The following KANK1 variants were observed in gnomAD, a reference collection of about 807,000 sequenced individuals.
KANK1 encodes KN motif and ankyrin repeat domains 1, also known as KN motif and ankyrin repeat domain-containing protein 1.
Under a neutral mutation model 106.2 loss-of-function variants are expected in KANK1, and 109 were observed. The ratio of observed to expected loss-of-function variants is 1.03; its 90% CI spans 0.88 to 1.20. KANK1 has a LOEUF of 1.20. Among genes scored for constraint, KANK1 ranks in the 50% most tolerant of loss-of-function variants. KANK1 has a pLI of 0.00. For synonymous variants in KANK1, 873 were observed against 652.2 expected (o/e 1.34, Z -5.16); for missense variants, 2,399 against 1,710.7 (o/e 1.40, Z -7.10).
intron 1 of KANK1, among the ~76,000 whole-genome samples, chr9:636,772 C>T (rs1837236617): frequency 6.6e-6 from 1 of 152,174 alleles, no homozygotes; most frequent in Non-Finnish European, 1.5e-5. Flanking sequence ...GAGGCTGAGG[C>T]AGGAGAATCG....
intron 1 of KANK1, among the ~76,000 whole-genome samples, chr9:670,968 T>G (rs1208202116): frequency 8.2e-5 from 12 of 146,930 alleles, no homozygotes; most frequent in East Asian, 2.1e-4. Flanking sequence ...TTTTTTTTTT[T>G]TTTTTTTTTT....
intron 1 of KANK1, among the ~76,000 whole-genome samples, chr9:524,978 C>T (rs536022974): frequency 6.3e-4 from 80 of 126,704 alleles, no homozygotes; most frequent in African/African-American, 2.3e-3. Flanking sequence ...CAAACTCTTG[C>T]TGCCTTTTTT....
intron 1 of KANK1, among the ~76,000 whole-genome samples, chr9:541,934 A>C (rs948999598): frequency 6.6e-6 from 1 of 151,580 alleles, no homozygotes; most frequent in Non-Finnish European, 1.5e-5. Context: ...CTAAAAATAC[A>C]AAAAATTAGC....
chr9:628,449 A>T (rs1010435151), intron 1 of KANK1, among the ~76,000 whole-genome samples: 3 of 152,232 alleles, frequency 2.0e-5, no homozygotes, highest in African/African-American at 7.2e-5. Flanking sequence ...TACGTATTTT[A>T]ATAGTTAACA....
At chr9:675,721 A>G (rs1816280718) in intron 1 of KANK1, among the ~76,000 whole-genome samples, 1 of 152,188 alleles carries the variant, frequency 6.6e-6, no homozygotes, top group Middle Eastern at 3.2e-3. Context: ...TCTCACAAGA[A>G]GGAATTAGAG....
At chr9:597,813 A>G (rs1024254194) in intron 1 of KANK1, among the ~76,000 whole-genome samples, 7 of 151,250 alleles carry the variant, frequency 4.6e-5, no homozygotes, top group African/African-American at 1.5e-4. Context: ...ACAGGCATGC[A>G]TCACCACGCC....
At position 712,073 on chromosome 9, in the gene KANK1, G is replaced by A. The variant is rs1414109169; in HGVS notation, c.1307G>A (p.Cys436Tyr). ...AVGTLVEMRNCGVSVTEAMLG... is the reference protein window; with the variant it reads ...AVGTLVEMRNYGVSVTEAMLG... ...GGGACACTTGTTGAGATGAGAAATT[G>A]TGGGGTCAGCGTGACAGAGGCCATG... Residue 436 changes from cysteine to tyrosine, a missense_variant, in exon 3 of 12, where the codon TGT becomes TAT. Physicochemically the swap from Cys to Tyr is radical, Grantham distance 194. Coordinates refer to ENST00000382297, the MANE Select transcript of KANK1 (RefSeq NM_015158.5). The A allele has an allele frequency of 1.9e-6, 3 of 1,614,174 alleles. No individual in the cohort carries two copies. The highest frequency in any genetic ancestry group is 1.3e-5 in the African/African-American group (1 of 75,046).
At position 712,328 on chromosome 9, in the gene KANK1, A is replaced by G; in HGVS notation, c.1562A>G (p.Gln521Arg). The change falls in exon 3 of 12, where the codon CAG becomes CGG. Residue 521 changes from glutamine to arginine, a missense_variant. Gln to Arg is a conservative substitution (Grantham distance 43). Coordinates refer to ENST00000382297, the MANE Select transcript of KANK1 (RefSeq NM_015158.5). ...AGTAAGGTGGTGGAGGCAGTGGTGCAGACCAGAGACCAAATGGTCGGCAGT... is the reference window on the plus strand; with the variant it reads ...AGTAAGGTGGTGGAGGCAGTGGTGCGGACCAGAGACCAAATGGTCGGCAGT... ...VFSKVVEAVV[Q>R]TRDQMVGSHM... is the part of the protein sequence containing the mutation. The G allele has an allele frequency of 6.2e-7, 1 of 1,614,222 alleles. No homozygotes were observed. The highest frequency in any genetic ancestry group is 8.5e-7 in the Non-Finnish European group (1 of 1,180,036).
At chr9:626,077 T>G (rs939351188) in intron 1 of KANK1, among the ~76,000 whole-genome samples, 1 of 152,162 alleles carries the variant, frequency 6.6e-6, no homozygotes, top group Non-Finnish European at 1.5e-5. Flanking sequence ...TATCCCAGCT[T>G]CAATTCCTCA....
chr9:680,008 A>C (rs1168756200), intron 2 of KANK1, among the ~76,000 whole-genome samples: 1 of 152,294 alleles, frequency 6.6e-6, no homozygotes, highest in African/African-American at 2.4e-5. Flanking sequence ...TGAAGATGAG[A>C]TAAAGAGGGC....
At chr9:730,884 G>C (rs1052284721) in intron 4 of KANK1, 2 of 265,216 alleles carry the variant, frequency 7.5e-6, no homozygotes, top group Non-Finnish European at 1.4e-5. Flanking sequence ...CACTTTATAA[G>C]CAGTAAAGCC....
chr9:535,565 CAT>C (rs1488321387), intron 1 of KANK1, among the ~76,000 whole-genome samples: 2 of 152,140 alleles, frequency 1.3e-5, no homozygotes, highest in East Asian at 1.9e-4. Flanking sequence ...AAATTAGTAA[CAT>C]GTAAGGAAAA....
intron 1 of KANK1, among the ~76,000 whole-genome samples, chr9:675,496 A>G (rs1223470044): frequency 1.3e-5 from 2 of 152,204 alleles, no homozygotes; most frequent in African/African-American, 4.8e-5. Context: ...GGGAAACAGT[A>G]TACTTTTTTG....
intron 3 of KANK1, among the ~76,000 whole-genome samples, chr9:715,086 A>T (rs1016472347): frequency 1.2e-4 from 18 of 152,222 alleles, no homozygotes; most frequent in African/African-American, 4.3e-4. Flanking sequence ...TTCCACTTTC[A>T]AACCTGAATT....
chr9:611,324 CTA>C (rs1468929798), intron 1 of KANK1, among the ~76,000 whole-genome samples: 17 of 152,180 alleles, frequency 1.1e-4, no homozygotes, highest in Non-Finnish European at 2.1e-4. Context: ...CTCACCGACT[CTA>C]TGCCTTAATT....
chr9:638,863 A>AT (rs1313178321), intron 1 of KANK1, among the ~76,000 whole-genome samples: 6 of 152,218 alleles, frequency 3.9e-5, no homozygotes, highest in Admixed American at 6.5e-5. Context: ...TGCCAGGAAG[A>AT]GACAGATAAA....
chr9:630,507 C>T (rs1039464121), intron 1 of KANK1, among the ~76,000 whole-genome samples: 8 of 151,732 alleles, frequency 5.3e-5, no homozygotes, highest in African/African-American at 1.7e-4. Context: ...GCTGAGATCC[C>T]GCCACTGCAC....
intron 1 of KANK1, among the ~76,000 whole-genome samples, chr9:599,163 C>T (rs1827093229): frequency 6.6e-6 from 1 of 150,748 alleles, no homozygotes; most frequent in Non-Finnish European, 1.5e-5. Context: ...GGATTACAGG[C>T]ACACACCACC....
chr9:740,267 G>A (rs965021168), intron 8 of KANK1, among the ~76,000 whole-genome samples: 3 of 152,202 alleles, frequency 2.0e-5, no homozygotes, highest in Non-Finnish European at 2.9e-5. Flanking sequence ...GGAGCTGGAT[G>A]TTATATGATT....
Sources: allele counts gnomAD v4.1 joint callset (sites outside exome capture counted in the v4.1 genomes callset), GRCh38; gene constraint gnomAD v4.1.1; transcripts MANE v1.5; gene names NCBI Gene and HGNC (gene_info 2026-07-23, HGNC 2026-07-21).